The following ADGRV1 variants were observed in gnomAD, a reference collection of about 807,000 sequenced individuals.
The protein encoded by ADGRV1 is G-protein coupled receptor 98.
ADGRV1 carries 359 observed loss-of-function variants against 596.2 expected under a neutral mutation model. The observed-to-expected ratio is 0.60, with a 90% confidence interval of 0.55 to 0.66. The LOEUF is 0.66. Ranked by LOEUF, ADGRV1 falls within the 30% of genes least tolerant of loss-of-function variation. The pLI is 0.00. For missense variants in ADGRV1, 7,274 were observed against 7,575.6 expected, an observed-to-expected ratio of 0.96 and a Z score of 1.48; for synonymous variants, 2,681 against 2,679.2, an observed-to-expected ratio of 1.00 and a Z score of -0.02.
At chr5:90,881,418 A>G (rs1769759504) in intron 83 of ADGRV1, among the ~76,000 whole-genome samples, 1 of 152,178 alleles carries the variant, frequency 6.6e-6, no homozygotes, top group Non-Finnish European at 1.5e-5. Context: ...TGTTAATAAT[A>G]TTATTTAAGC....
chr5:90,628,050 TAG>T, intron 7 of ADGRV1: 1 of 239,656 alleles, frequency 4.2e-6, no homozygotes, highest in Non-Finnish European at 7.9e-6. Context: ...CATAGTATAG[TAG>T]TTCCCTAGGA....
At chr5:90,957,838 A>G (rs181368851) in intron 83 of ADGRV1, among the ~76,000 whole-genome samples, 39 of 151,684 alleles carry the variant, frequency 2.6e-4, no homozygotes, top group African/African-American at 8.4e-4. Flanking sequence ...TTTTCATGCT[A>G]TATATGAAGT....
chr5:90,595,130 C>T (rs1182324313), intron 1 of ADGRV1, among the ~76,000 whole-genome samples: 1 of 129,888 alleles, frequency 7.7e-6, no homozygotes, highest in African/African-American at 3.2e-5. Flanking sequence ...CCCCCACCTC[C>T]CTCCCGGACG....
At chr5:90,756,949 T>A in intron 56 of ADGRV1, 30 bp from the exon 57 acceptor site, 2 of 1,497,852 alleles carry the variant, frequency 1.3e-6, no homozygotes, top group Non-Finnish European at 1.8e-6. Context: ...CCATTTTATC[T>A]TGCCTTTCAA....
chr5:90,766,130 T>G (rs189487950), intron 59 of ADGRV1, among the ~76,000 whole-genome samples: 1 of 152,036 alleles, frequency 6.6e-6, no homozygotes, highest in Non-Finnish European at 1.5e-5. Flanking sequence ...AGGATGGTCT[T>G]GATCTCCTGA....
chr5:91,070,542 C>T (rs1788295280), intron 85 of ADGRV1, among the ~76,000 whole-genome samples: 1 of 152,032 alleles, frequency 6.6e-6, no homozygotes, highest in South Asian at 2.1e-4. Flanking sequence ...GAGGTATATC[C>T]CTTATAAGAA....
chr5:90,973,951 C>A (rs904287296), intron 84 of ADGRV1, among the ~76,000 whole-genome samples: 1 of 152,242 alleles, frequency 6.6e-6, no homozygotes, highest in African/African-American at 2.4e-5. Flanking sequence ...ATTTAGAAAA[C>A]TGCATTGTCT....
intron 75 of ADGRV1, 136 bp downstream of exon 75, chr5:90,815,872 T>G: frequency 4.9e-6 from 3 of 607,262 alleles, no homozygotes; most frequent in Non-Finnish European, 6.0e-6. Context: ...TCAGATGCTC[T>G]AGTTCTTAAT....
chr5:90,989,930 C>T (rs1211092740), intron 85 of ADGRV1, among the ~76,000 whole-genome samples: 1 of 152,176 alleles, frequency 6.6e-6, no homozygotes, highest in Non-Finnish European at 1.5e-5. Flanking sequence ...GATTCTCCTG[C>T]CTCAGCCTCC....
At chr5:90,787,435 A>G (rs951239559) in intron 67 of ADGRV1, among the ~76,000 whole-genome samples, 3 of 152,074 alleles carry the variant, frequency 2.0e-5, no homozygotes, top group Admixed American at 2.0e-4. Flanking sequence ...GCAGGACAGT[A>G]TTGTACTTAT....
At chr5:90,976,316 GTGTGTGTA>G (rs1468111701) in intron 84 of ADGRV1, among the ~76,000 whole-genome samples, 50 of 121,466 alleles carry the variant, frequency 4.1e-4, no homozygotes, top group African/African-American at 1.4e-3. Context: ...GTGTGTGTGT[GTGTGTGTA>G]TATATATATA....
chr5:90,742,729 T>A (rs1023640678), intron 50 of ADGRV1, among the ~76,000 whole-genome samples: 33 of 152,100 alleles, frequency 2.2e-4, no homozygotes, highest in Admixed American at 6.5e-4. Flanking sequence ...TTTAGAGATG[T>A]TGAAAGATGA....
intron 70 of ADGRV1, among the ~76,000 whole-genome samples, chr5:90,797,712 A>T (rs1386549582): frequency 2.0e-5 from 3 of 152,192 alleles, no homozygotes; most frequent in African/African-American, 7.2e-5. Context: ...TCTAAAATTG[A>T]CCACATAATT....
intron 88 of ADGRV1, among the ~76,000 whole-genome samples, chr5:91,152,186 A>G (rs1025196510): frequency 6.6e-6 from 1 of 152,220 alleles, no homozygotes; most frequent in Non-Finnish European, 1.5e-5. Flanking sequence ...CGTCAGAGAC[A>G]TTCTAAAAAA....
chr5:90,979,209 C>G (rs1437252403), intron 84 of ADGRV1, among the ~76,000 whole-genome samples: 2 of 151,080 alleles, frequency 1.3e-5, no homozygotes, highest in Non-Finnish European at 2.9e-5. Flanking sequence ...TGTTCTGTCA[C>G]TGCAGCTGGA....
At chr5:90,828,027 C>A (rs1764206831) in intron 76 of ADGRV1, among the ~76,000 whole-genome samples, 1 of 152,046 alleles carries the variant, frequency 6.6e-6, no homozygotes, top group Non-Finnish European at 1.5e-5. Flanking sequence ...AGATGGGTAA[C>A]AATATTGCTA....
chr5:90,730,065 A>C (rs1002509218), intron 50 of ADGRV1, among the ~76,000 whole-genome samples: 1 of 152,108 alleles, frequency 6.6e-6, no homozygotes, highest in African/African-American at 2.4e-5. Flanking sequence ...ACGGGGTTTC[A>C]CCGTGTTAGC....
At chr5:91,128,564 A>C (rs534530431) in intron 87 of ADGRV1, among the ~76,000 whole-genome samples, 1 of 152,342 alleles carries the variant, frequency 6.6e-6, no homozygotes, top group South Asian at 2.1e-4. Flanking sequence ...AATGCTAAGA[A>C]AAATGAAAGG....
At chr5:90,932,775 A>G (rs917824896) in intron 83 of ADGRV1, among the ~76,000 whole-genome samples, 2 of 151,686 alleles carry the variant, frequency 1.3e-5, no homozygotes, top group Non-Finnish European at 2.9e-5. Context: ...AAAATCAGAG[A>G]ATATAGGCTT....
Sources: allele counts gnomAD v4.1 joint callset (sites outside exome capture counted in the v4.1 genomes callset), GRCh38; gene constraint gnomAD v4.1.1; transcripts MANE v1.5; gene names NCBI Gene and HGNC (gene_info 2026-07-23, HGNC 2026-07-21).